Variants in CRTAC1 observed in about 807,000 individuals in gnomAD.
CRTAC1 encodes the protein cartilage acidic protein 1, also known as acidic secreted protein in cartilage.
Under a neutral mutation model 67.8 loss-of-function variants are expected in CRTAC1, and 37 were observed. The ratio of observed to expected loss-of-function variants is 0.55; its 90% CI spans 0.42 to 0.72. The LOEUF is 0.72. CRTAC1 is among the 30% of genes least tolerant of loss of function. The probability of loss-of-function intolerance (pLI) is 0.00; values close to 1 mark genes in which losing one functional copy is unlikely to be tolerated. For synonymous variants in CRTAC1, 348 were observed against 371.0 expected, an observed-to-expected ratio of 0.94 and a Z score of 0.71; for missense variants, 780 against 931.6, an observed-to-expected ratio of 0.84 and a Z score of 2.12.
At chr10:97,925,476 TGA>T (rs1299586912) in intron 3 of CRTAC1, among the ~76,000 whole-genome samples, 1 of 151,374 alleles carries the variant, frequency 6.6e-6, no homozygotes, top group African/African-American at 2.4e-5. Context: ...CGAGTGAGTG[TGA>T]GAGAGTGGGC....
chr10:97,923,268 C>A lies in CRTAC1; in HGVS notation c.554G>T (p.Arg185Ile), dbSNP rs772223254. The A allele has an allele frequency of 6.2e-7, 1 of 1,614,088 alleles. No homozygotes were observed. The highest frequency in any genetic ancestry group is 1.3e-5 in the African/African-American group (1 of 75,074). The change falls in exon 4 of 15, where the codon AGA becomes ATA. Residue 185 changes from arginine (R) to isoleucine (I), a missense_variant. Transcript: ENST00000370597. ...CCCATGTGCCCCTGCACTCACCTTT[C>A]TGTCCACACAGGCCACAGAGCGTCC... ...FAGRSVACVD[R>I]KGSGRYSIYI...
At chr10:97,897,791 C>A (rs376329401) in intron 8 of CRTAC1, among the ~76,000 whole-genome samples, 3 of 152,242 alleles carry the variant, frequency 2.0e-5, no homozygotes, top group African/African-American at 7.2e-5. Context: ...TGTATTCTCA[C>A]AGCCTTGGGT....
At chr10:97,873,340 G>C (rs1325806849) in intron 14 of CRTAC1, among the ~76,000 whole-genome samples, 1 of 152,194 alleles carries the variant, frequency 6.6e-6, no homozygotes, top group African/African-American at 2.4e-5. Flanking sequence ...TTCTGCAGTG[G>C]GAGGAGGCAC....
intron 2 of CRTAC1, among the ~76,000 whole-genome samples, chr10:97,965,506 A>C (rs189217219): frequency 6.6e-6 from 1 of 152,304 alleles, no homozygotes; most frequent in East Asian, 1.9e-4. Context: ...TGGAACACTT[A>C]CTACCGCCAG....
At chr10:97,991,458 G>T (rs958380846) in intron 2 of CRTAC1, among the ~76,000 whole-genome samples, 8 of 131,884 alleles carry the variant, frequency 6.1e-5, no homozygotes, top group African/African-American at 2.2e-4. Flanking sequence ...AAGATAAAAA[G>T]AAAAAAGTTA....
intron 11 of CRTAC1, among the ~76,000 whole-genome samples, chr10:97,894,618 G>A (rs1428541548): frequency 6.8e-6 from 1 of 147,196 alleles, no homozygotes; most frequent in Non-Finnish European, 1.5e-5. Context: ...GGCTAGTCTC[G>A]AACTCTTGAG....
intron 5 of CRTAC1, among the ~76,000 whole-genome samples, chr10:97,908,898 C>T (rs1016572984): frequency 3.3e-5 from 5 of 152,186 alleles, no homozygotes; most frequent in African/African-American, 1.2e-4. Flanking sequence ...TTATTCAGTT[C>T]GGAGAAAAGT....
At chr10:97,910,349 C>T (rs1018678698) in intron 5 of CRTAC1, among the ~76,000 whole-genome samples, 1 of 152,138 alleles carries the variant, frequency 6.6e-6, no homozygotes, top group Non-Finnish European at 1.5e-5. Flanking sequence ...CCTTGCTGCT[C>T]AGAGCCAGGT....
intron 2 of CRTAC1, among the ~76,000 whole-genome samples, chr10:97,977,960 C>A (rs549738905): frequency 2.6e-4 from 40 of 152,310 alleles, no homozygotes; most frequent in African/African-American, 9.6e-4. Context: ...TTTACCACCT[C>A]TTCCTGAGGT....
chr10:97,890,119 T>A (rs200403885), intron 11 of CRTAC1, among the ~76,000 whole-genome samples: 162 of 116,608 alleles, frequency 1.4e-3, no homozygotes, highest in Non-Finnish European at 1.0e-3. Context: ...ACACACACAC[T>A]CTCACACGTG....
intron 2 of CRTAC1, among the ~76,000 whole-genome samples, chr10:98,002,761 C>CTGTTTTTTTTTTTTTTTT (rs771351655): frequency 5.4e-5 from 2 of 37,268 alleles, no homozygotes; most frequent in African/African-American, 1.6e-4. Flanking sequence ...ACAAAACTCA[C>CTGTTTTTTTTTTTTTTTT]TTTTTTTTTT....
intron 3 of CRTAC1, among the ~76,000 whole-genome samples, chr10:97,933,634 G>T (rs1487853625): frequency 6.6e-6 from 1 of 152,254 alleles, no homozygotes; most frequent in Admixed American, 6.5e-5. Flanking sequence ...GAAACACAAG[G>T]CCGTGTTGAG....
intron 1 of CRTAC1, among the ~76,000 whole-genome samples, chr10:98,026,124 C>T (rs1007170891): frequency 1.3e-5 from 2 of 152,214 alleles, no homozygotes; most frequent in Non-Finnish European, 2.9e-5. Context: ...TTACCTCTAA[C>T]CAAGGGCAGA....
At chr10:97,893,538 C>T (rs1352746436) in intron 11 of CRTAC1, among the ~76,000 whole-genome samples, 1 of 152,148 alleles carries the variant, frequency 6.6e-6, no homozygotes, top group Non-Finnish European at 1.5e-5. Flanking sequence ...GACTTTTTCC[C>T]CAATTCCCCC....
intron 2 of CRTAC1, among the ~76,000 whole-genome samples, chr10:97,946,782 T>C (rs946436258): frequency 1.3e-5 from 2 of 152,086 alleles, no homozygotes; most frequent in African/African-American, 4.8e-5. Context: ...TAGACACATC[T>C]CAAGGGCCCC....
Position 97,963,697 on chromosome 10 carries a change from G to A in CRTAC1, c.225-27331C>T, listed in dbSNP as rs556258202. Among the ~76,000 whole-genome samples the A allele has an allele frequency of 3.9e-5, 6 of 152,316 alleles. No individual in the cohort carries two copies. The South Asian group carries it at 1.0e-3, about 26-fold the overall frequency. On this transcript the variant is annotated intron_variant, in intron 2 of 14. Transcript: ENST00000370597. ...GTATAATGCTTATTTGATTGTTATT[G>A]CTTGTTAGTACTATTTTTATTTGTA... is the stretch of plus-strand genomic sequence containing the variant.
At chr10:97,950,761 T>C (rs1041896925) in intron 2 of CRTAC1, among the ~76,000 whole-genome samples, 1 of 152,090 alleles carries the variant, frequency 6.6e-6, no homozygotes, top group African/African-American at 2.4e-5. Flanking sequence ...CAGGGCTCTG[T>C]CCAACCAGAC....
chr10:98,000,606 A>C (rs1288160562), intron 2 of CRTAC1, among the ~76,000 whole-genome samples: 1 of 152,224 alleles, frequency 6.6e-6, no homozygotes, highest in East Asian at 1.9e-4. Context: ...GCAGCCTGCC[A>C]GGGCGAGTGG....
At chr10:97,967,030 A>G (rs2051629428) in intron 2 of CRTAC1, among the ~76,000 whole-genome samples, 1 of 147,186 alleles carries the variant, frequency 6.8e-6, no homozygotes. Context: ...CTTCAGAAGG[A>G]AGTCACTATG....
Sources: allele counts gnomAD v4.1 joint callset (sites outside exome capture counted in the v4.1 genomes callset), GRCh38; gene constraint gnomAD v4.1.1; transcripts MANE v1.5; gene names NCBI Gene and HGNC (gene_info 2026-07-23, HGNC 2026-07-21).